The following CMSS1 variants were observed in gnomAD, a reference collection of about 807,000 sequenced individuals.
CMSS1 encodes the protein cms1 ribosomal small subunit homolog.
A neutral mutation model predicts 43.5 loss-of-function variants in CMSS1; 33 were observed. The observed-to-expected ratio is 0.76, with a 90% CI of 0.57 to 1.01. CMSS1 has a LOEUF of 1.01. Among genes scored for constraint, CMSS1 ranks in the 50% least tolerant of loss-of-function variants. CMSS1 has a pLI of 0.00. For missense variants in CMSS1, 313 were observed against 326.4 expected (o/e 0.96, Z 0.32); for synonymous variants, 115 against 117.2 (o/e 0.98, Z 0.12).
intron 1 of CMSS1, among the ~76,000 whole-genome samples, chr3:100,032,414 T>C (rs1349840719): frequency 6.6e-6 from 1 of 152,184 alleles, no homozygotes; most frequent in East Asian, 1.9e-4. Flanking sequence ...GAGCTTGCCA[T>C]AAGGTATGCA....
intron 1 of CMSS1, among the ~76,000 whole-genome samples, chr3:99,825,161 A>T (rs745328943): frequency 6.6e-6 from 1 of 152,184 alleles, no homozygotes; most frequent in Non-Finnish European, 1.5e-5. Context: ...TTTGTAGGAG[A>T]TGTTAATAAC....
At chr3:99,953,535 C>G (rs1490463697) in intron 1 of CMSS1, among the ~76,000 whole-genome samples, 1 of 152,124 alleles carries the variant, frequency 6.6e-6, no homozygotes, top group Admixed American at 6.5e-5. Context: ...CCACGTTGGA[C>G]CATTTTACCT....
chr3:99,906,710 T>C (rs1017843682), intron 1 of CMSS1, among the ~76,000 whole-genome samples: 20 of 152,342 alleles, frequency 1.3e-4, no homozygotes, highest in Non-Finnish European at 2.1e-4. Flanking sequence ...CCTGGGTATA[T>C]GGCTGCCCAA....
chr3:100,091,983 A>G (rs1174253863), intron 1 of CMSS1, among the ~76,000 whole-genome samples: 2 of 152,230 alleles, frequency 1.3e-5, no homozygotes, highest in African/African-American at 4.8e-5. Context: ...TATCTGTCCT[A>G]GGGCAAGTTG....
At position 99,983,292 on chromosome 3, in the gene CMSS1, G is replaced by A. The variant is rs947601299; in HGVS notation, c.65-163681G>A. The stretch of plus-strand genomic sequence containing the variant: ...CTCATGCCTGTAATCCTAACACTTT[G>A]GGAGGCCAAGGCAGGCGGATCACCT... On this transcript the variant is annotated intron_variant, in intron 1 of 9. Transcript: ENST00000421999. Among the ~76,000 whole-genome samples, 4 of 150,134 alleles carry A rather than the reference G, an allele frequency of 2.7e-5. No homozygotes were observed. The South Asian group carries it at 8.5e-4, about 32-fold the overall frequency.
chr3:99,819,755 T>G (rs1349233150), intron 1 of CMSS1, among the ~76,000 whole-genome samples: 1 of 151,450 alleles, frequency 6.6e-6, no homozygotes, highest in African/African-American at 2.4e-5. Flanking sequence ...AGTTTTTTTT[T>G]TCTTTTTTTT....
chr3:99,832,375 C>T (rs1295018967), intron 1 of CMSS1, among the ~76,000 whole-genome samples: 2 of 150,948 alleles, frequency 1.3e-5, no homozygotes, highest in Non-Finnish European at 3.0e-5. Context: ...GGACCACAGG[C>T]GACCGCCACC....
chr3:100,171,672 T>C (rs1576121227), intron 6 of CMSS1, among the ~76,000 whole-genome samples, 167 bp from the exon 7 acceptor site: 1 of 152,164 alleles, frequency 6.6e-6, no homozygotes, highest in South Asian at 2.1e-4. Flanking sequence ...CCACTCTCAT[T>C]GCAAAGATTG....
At chr3:100,028,473 A>G (rs2064966541) in intron 1 of CMSS1, among the ~76,000 whole-genome samples, 1 of 152,168 alleles carries the variant, frequency 6.6e-6, no homozygotes, top group Non-Finnish European at 1.5e-5. Context: ...TAAGTTTAAT[A>G]TTCATTCTTA....
At chr3:100,114,880 G>C in intron 1 of CMSS1, 1 of 1,158,526 alleles carries the variant, frequency 8.6e-7, no homozygotes, top group Non-Finnish European at 1.2e-6. Context: ...GTAAACATTC[G>C]CTATTATTAA....
chr3:99,925,227 T>C (rs1349752604), intron 1 of CMSS1, among the ~76,000 whole-genome samples: 1 of 152,206 alleles, frequency 6.6e-6, no homozygotes, highest in Non-Finnish European at 1.5e-5. Context: ...TAATCTATTA[T>C]GTGTTGGTGT....
At chr3:100,115,218 T>C (rs1576080991) in intron 1 of CMSS1, among the ~76,000 whole-genome samples, 1 of 152,180 alleles carries the variant, frequency 6.6e-6, no homozygotes. Context: ...CAGACATGCC[T>C]ACCACCTGCC....
At chr3:99,866,797 A>G (rs1016289110) in intron 1 of CMSS1, among the ~76,000 whole-genome samples, 1 of 152,160 alleles carries the variant, frequency 6.6e-6, no homozygotes, top group Non-Finnish European at 1.5e-5. Context: ...AGTTTGGGCC[A>G]TATGCCATCT....
At chr3:99,938,091 G>GTGCA (rs1707745538) in intron 1 of CMSS1, among the ~76,000 whole-genome samples, 1 of 150,234 alleles carries the variant, frequency 6.7e-6, no homozygotes, top group Non-Finnish European at 1.5e-5. Flanking sequence ...GCGCGCGCGC[G>GTGCA]TGCATGCACA....
chr3:100,002,925 G>T (rs1228400324), intron 1 of CMSS1, among the ~76,000 whole-genome samples: 4 of 152,180 alleles, frequency 2.6e-5, no homozygotes, highest in Non-Finnish European at 5.9e-5. Flanking sequence ...TCTCTCTGCT[G>T]TCTGCAAATC....
chr3:100,106,163 A>C (rs1307920020), intron 1 of CMSS1, among the ~76,000 whole-genome samples: 1 of 152,170 alleles, frequency 6.6e-6, no homozygotes, highest in Non-Finnish European at 1.5e-5. Context: ...ACCACATAGT[A>C]AATCAGAAGA....
intron 1 of CMSS1, among the ~76,000 whole-genome samples, chr3:100,076,324 A>C (rs1393127134): frequency 2.0e-5 from 3 of 152,188 alleles, no homozygotes; most frequent in African/African-American, 7.2e-5. Flanking sequence ...TCTTTCTGAA[A>C]GAATGTTTAA....
chr3:100,125,634 GTCTC>G (rs760015420), intron 1 of CMSS1, among the ~76,000 whole-genome samples: 117 of 152,188 alleles, frequency 7.7e-4, no homozygotes, highest in African/African-American at 2.8e-3. Flanking sequence ...GTTTCCACTT[GTCTC>G]TCTCTTTTAG....
At chr3:100,166,429 A>T in intron 5 of CMSS1, 35 bp downstream of exon 5, 3 of 1,383,006 alleles carry the variant, frequency 2.2e-6, no homozygotes, top group Non-Finnish European at 3.1e-6. Flanking sequence ...ATTTAAACTC[A>T]TTCTTATTTT....
Sources: gnomAD v4.1 joint callset for allele counts (sites outside exome capture counted in the v4.1 genomes callset) on GRCh38, gnomAD v4.1.1 for gene constraint, MANE v1.5 for transcripts, NCBI Gene and HGNC (gene_info 2026-07-23, HGNC 2026-07-21) for gene names.